Variants in EPHA8 observed in about 807,000 individuals in gnomAD.
EPHA8 encodes the protein ephrin type-A receptor 8.
In EPHA8, 58 loss-of-function variants were observed where a neutral mutation model predicts 103.6. That is an observed-to-expected ratio of 0.56 (90% CI 0.45 to 0.70). The LOEUF is 0.70. Among genes scored for constraint, EPHA8 ranks in the 30% least tolerant of loss-of-function variants. The pLI, the probability that EPHA8 is intolerant of heterozygous loss-of-function variation, is 0.00. For synonymous variants in EPHA8, 559 were observed against 572.5 expected (o/e 0.98, Z 0.34); for missense variants, 1,304 against 1,395.2 (o/e 0.93, Z 1.04).
chr1:22,577,766 ATGAG>A (rs1313092516), intron 3 of EPHA8, among the ~76,000 whole-genome samples: 1 of 147,968 alleles, frequency 6.8e-6, no homozygotes, highest in Non-Finnish European at 1.5e-5. Flanking sequence ...GGTGGTGTGC[ATGAG>A]TGTGTGTGTG....
intron 3 of EPHA8, among the ~76,000 whole-genome samples, chr1:22,578,544 T>G (rs896462436): frequency 4.9e-5 from 7 of 143,280 alleles, no homozygotes; most frequent in Non-Finnish European, 9.1e-5. Context: ...CGTGCATGTG[T>G]GCGTGAGTGT....
intron 5 of EPHA8, among the ~76,000 whole-genome samples, chr1:22,591,585 A>G (rs1641373763): frequency 6.6e-6 from 1 of 152,142 alleles, no homozygotes; most frequent in Non-Finnish European, 1.5e-5. Flanking sequence ...AGCCCTTCAC[A>G]GCCTAGGCTG....
At chr1:22,578,501 A>T (rs201783157) in intron 3 of EPHA8, among the ~76,000 whole-genome samples, 2 of 90,080 alleles carry the variant, frequency 2.2e-5, no homozygotes, top group African/African-American at 8.4e-5. Context: ...TGTGTGCATG[A>T]GTGCATTAGT....
At chr1:22,580,490 G>A (rs1207461457) in intron 3 of EPHA8, among the ~76,000 whole-genome samples, 2 of 152,106 alleles carry the variant, frequency 1.3e-5, no homozygotes, top group African/African-American at 4.8e-5. Context: ...ATTTCTATGA[G>A]TCTTCTCCTG....
In EPHA8 at chr1:22,576,404, G is replaced by T. The variant is rs1165199164; in HGVS notation, c.347G>T (p.Gly116Val). The stretch of plus-strand genomic sequence containing the variant: ...TGCAACAGCATGCCTGGTGTGCTGG[G>T]CACCTGCAAGGAGACCTTCAACCTC... ...RDCNSMPGVL[G>V]TCKETFNLYY... is the part of the protein sequence containing the mutation. The change falls in exon 3 of 17, where the codon GGC becomes GTC. Residue 116 changes from glycine to valine, a missense_variant. Transcript: ENST00000166244. This position sits in a 1 kb window ranked among gnomAD's most constrained non-coding sequence, Gnocchi z 4.8. 3 of 1,613,776 alleles carry T rather than the reference G, an allele frequency of 1.9e-6. No homozygotes were observed. The highest frequency in any genetic ancestry group is 2.5e-6 in the Non-Finnish European group (3 of 1,180,034).
chr1:22,596,186 G>A lies in EPHA8; in HGVS notation c.1765+13G>A, dbSNP rs764078990. ...CAGAATGGACAGGGTGAGTGCAGGG[G>A]CCCGGTGGTCTGGGGCAGAGGGAAG... On this transcript the variant is annotated intron_variant, in intron 9 of 16. Coordinates refer to ENST00000166244, the MANE Select transcript of EPHA8 (RefSeq NM_020526.5). 9.3e-6 allele frequency: 15 copies of A among 1,613,376 alleles called. No homozygotes were observed. In the Admixed American group the frequency reaches 1.7e-4, roughly 18 times the overall value.
At chr1:22,586,785 G>T (rs1641224160) in intron 4 of EPHA8, 150 bp downstream of exon 4, 4 of 936,534 alleles carry the variant, frequency 4.3e-6, no homozygotes, top group Non-Finnish European at 6.2e-6. Context: ...TGAGGTGGGG[G>T]GGGTGACTCT....
rs760234665 is a variant in EPHA8, at chr1:22,601,322, C to T, written c.2752C>T (p.Arg918Trp). The T allele has an allele frequency of 2.2e-5, 35 of 1,604,682 alleles. No individual in the cohort carries two copies. The highest frequency in any genetic ancestry group is 1.7e-4 in the Middle Eastern group (1 of 6,008). Residue 918 changes from arginine to tryptophan, a missense_variant, in exon 16 of 17, where the codon CGG becomes TGG. Transcript: ENST00000166244. ...VSRCPPPAFV[R>W]SCFDLRGGSG... ...CAGGTGCCCACCCCCTGCCTTCGTCCGGAGCTGCTTTGACCTCCGAGGGGG... is the reference window on the plus strand; with the variant it reads ...CAGGTGCCCACCCCCTGCCTTCGTCTGGAGCTGCTTTGACCTCCGAGGGGG...
intron 5 of EPHA8, among the ~76,000 whole-genome samples, chr1:22,592,178 G>A (rs1156261931): frequency 6.6e-6 from 1 of 152,000 alleles, no homozygotes; most frequent in African/African-American, 2.4e-5. Flanking sequence ...CTCCTCCCTG[G>A]AGCCCTCTCG....
intron 3 of EPHA8, among the ~76,000 whole-genome samples, chr1:22,579,106 T>TGTAC (rs1322114678): frequency 9.9e-5 from 12 of 121,586 alleles, no homozygotes; most frequent in African/African-American, 5.3e-4. Flanking sequence ...CATGTGTATG[T>TGTAC]GTGCATGTGT....
intron 13 of EPHA8, among the ~76,000 whole-genome samples, chr1:22,599,307 C>T (rs565600768): frequency 6.6e-6 from 1 of 152,330 alleles, no homozygotes. Flanking sequence ...CACCAGGAGA[C>T]TTCAGGAGGG....
At chr1:22,577,824 A>G (rs568769778) in intron 3 of EPHA8, among the ~76,000 whole-genome samples, 39 of 136,706 alleles carry the variant, frequency 2.9e-4, no homozygotes, top group African/African-American at 8.6e-4. Flanking sequence ...ATGTGTGTGC[A>G]TGTGTGCGTG....
Position 22,598,302 on chromosome 1 carries a change from C to G in EPHA8, c.2178+90C>G. ...GATAGTGCAAAGCCCTCTAAGCCCCCTCCCTGGCTTGGACACCACAGGCCG... is the reference window on the plus strand; with the variant it reads ...GATAGTGCAAAGCCCTCTAAGCCCCGTCCCTGGCTTGGACACCACAGGCCG... On this transcript the variant is annotated intron_variant, in intron 12 of 16. Coordinates refer to ENST00000166244, the MANE Select transcript of EPHA8 (RefSeq NM_020526.5). This position sits in a 1 kb window ranked among gnomAD's most constrained non-coding sequence, Gnocchi z 5.1. 1 of 1,349,926 alleles carries G rather than the reference C, an allele frequency of 7.4e-7. No individual in the cohort carries two copies. The highest frequency in any genetic ancestry group is 1.0e-6 in the Non-Finnish European group (1 of 969,028). 83.6% of individuals were successfully genotyped at this position (1,349,926 alleles called of 1,614,324 possible).
chr1:22,588,664 C>G (rs1641285426), intron 4 of EPHA8, among the ~76,000 whole-genome samples: 1 of 152,130 alleles, frequency 6.6e-6, no homozygotes, highest in Non-Finnish European at 1.5e-5. Flanking sequence ...TGCCCAGACT[C>G]TGACATTGTG....
intron 3 of EPHA8, among the ~76,000 whole-genome samples, chr1:22,579,159 ATGTATGCATG>A (rs1426434382): frequency 7.0e-6 from 1 of 143,230 alleles, no homozygotes; most frequent in Admixed American, 6.9e-5. Flanking sequence ...GCAAGAGTGT[ATGTATGCATG>A]TGTGTGCATG....
In EPHA8 at chr1:22,569,230, C is replaced by T; in HGVS notation, c.95-59C>T. 2 of 1,586,642 alleles carry T rather than the reference C, an allele frequency of 1.3e-6. No homozygotes were observed. Among genetic ancestry groups the T allele is most frequent in the Non-Finnish European group, 1.7e-6 (2 of 1,156,458 alleles). On this transcript the variant is annotated intron_variant, in intron 1 of 16. Transcript: ENST00000166244. This position sits in a 1 kb window ranked among gnomAD's most constrained non-coding sequence, Gnocchi z 4.5. Reference sequence around the variant, plus strand: ...ACCAGTGTAGCTGGGTCAGGCTGCTCTTGAGGAGCTGGGGAGAAGTCAGAG... The same window carrying T: ...ACCAGTGTAGCTGGGTCAGGCTGCTTTTGAGGAGCTGGGGAGAAGTCAGAG...
chr1:22,601,324 G>A lies in EPHA8; in HGVS notation c.2754G>A (p.Arg918=). The A allele has an allele frequency of 6.2e-7, 1 of 1,605,782 alleles. No homozygotes were observed. The change falls in exon 16 of 17, where the codon CGG becomes CGA. Residue 918 remains arginine (R), a synonymous_variant. Transcript: ENST00000166244. ...GGTGCCCACCCCCTGCCTTCGTCCG[G>A]AGCTGCTTTGACCTCCGAGGGGGCA... ...VSRCPPPAFV[R]SCFDLRGGSG...
intron 13 of EPHA8, among the ~76,000 whole-genome samples, chr1:22,599,686 GGAAAGGAGGGAGGGAGGAA>G (rs1641633755): frequency 2.8e-5 from 1 of 35,558 alleles, no homozygotes; most frequent in African/African-American, 1.8e-4. Context: ...AGGGAAGGAA[GGAAAGGAGGGAGGGAGGAA>G]GGAGGGAAGG....
chr1:22,581,878 T>G (rs548233748), intron 3 of EPHA8, among the ~76,000 whole-genome samples: 1 of 152,308 alleles, frequency 6.6e-6, no homozygotes, highest in East Asian at 1.9e-4. Flanking sequence ...GGAAAGACAT[T>G]TCTCAGCCCC....
Sources: allele counts gnomAD v4.1 joint callset (sites outside exome capture counted in the v4.1 genomes callset), GRCh38; gene constraint gnomAD v4.1.1; non-coding constraint Gnocchi (gnomAD v3.1); transcripts MANE v1.5; gene names NCBI Gene and HGNC (gene_info 2026-07-23, HGNC 2026-07-21).